The following MPC1 variants were observed in gnomAD, a reference collection of about 807,000 sequenced individuals.
MPC1 encodes the protein mitochondrial pyruvate carrier 1.
MPC1 carries 6 observed loss-of-function variants against 13.9 expected under a neutral mutation model. The ratio of observed to expected loss-of-function variants is 0.43; its 90% confidence interval spans 0.24 to 0.85. The LOEUF is 0.85. MPC1 is among the 40% of genes least tolerant of loss of function. MPC1 has a pLI of 0.24. For synonymous variants in MPC1, 47 were observed against 50.5 expected (o/e 0.93, Z 0.29); for missense variants, 115 against 143.3 (o/e 0.80, Z 1.01).
intron 1 of MPC1, 41 bp from the exon 2 acceptor site, chr6:166,370,262 A>G (rs758976193): frequency 6.8e-6 from 5 of 730,518 alleles, no homozygotes; most frequent in Non-Finnish European, 1.3e-5. Flanking sequence ...CAGGACAGAC[A>G]TGGAAAAAAA....
At chr6:166,371,210 C>A (rs1027107289) in intron 1 of MPC1, among the ~76,000 whole-genome samples, 1 of 152,148 alleles carries the variant, frequency 6.6e-6, no homozygotes, top group Non-Finnish European at 1.5e-5. Context: ...ACACATTGCA[C>A]CAGAATGTGA....
At chr6:166,376,826 C>T (rs1007405829) in intron 1 of MPC1, among the ~76,000 whole-genome samples, 2 of 152,170 alleles carry the variant, frequency 1.3e-5, no homozygotes, top group African/African-American at 2.4e-5. Context: ...TACCTATTTA[C>T]TTTTAATCTA....
At chr6:166,367,227 C>T in intron 2 of MPC1, 1 of 1,080,050 alleles carries the variant, frequency 9.3e-7, no homozygotes, top group Non-Finnish European at 1.2e-6. Context: ...TCACTTCTTA[C>T]ACAATCCATT....
Position 166,365,456 on chromosome 6 carries a change from G to A in MPC1, c.306-3C>T. ...ATGCAGATGCCGTTTTAGTCATCCT[G>A]GAAAGAAACAAAAAGAAAAATTCAA... On this transcript the variant is annotated splice_region_variant and splice_polypyrimidine_tract_variant and intron_variant, in intron 4 of 4. Transcript: ENST00000360961. The surrounding 1 kb of genome is among the most constrained non-coding windows in gnomAD (Gnocchi z 4.2). 1 of 1,574,868 alleles carries A rather than the reference G, an allele frequency of 6.3e-7. No individual in the cohort carries two copies.
At chr6:166,381,706 A>G (rs1779789915) in intron 1 of MPC1, 4 of 592,372 alleles carry the variant, frequency 6.8e-6, no homozygotes, top group Non-Finnish European at 8.5e-6. Flanking sequence ...CAGGCTTTCC[A>G]ACCGCGAATG....
intron 1 of MPC1, among the ~76,000 whole-genome samples, chr6:166,380,239 C>T (rs1292172521): frequency 2.0e-5 from 3 of 152,238 alleles, no homozygotes; most frequent in Non-Finnish European, 4.4e-5. Flanking sequence ...AGTATTTTCA[C>T]ATCCCTTATC....
intron 1 of MPC1, among the ~76,000 whole-genome samples, chr6:166,372,463 T>C (rs1240158170): frequency 6.6e-6 from 1 of 151,768 alleles, no homozygotes; most frequent in African/African-American, 2.4e-5. Flanking sequence ...ATTACACATG[T>C]ATGAGAATAA....
rs144799474 is a variant in MPC1 at position 166,375,987 on chromosome 6, A to G, written c.72-5766T>C. Among the ~76,000 whole-genome samples, 10 of 152,262 alleles carry G rather than the reference A, an allele frequency of 6.6e-5. No individual in the cohort carries two copies. In the East Asian group the frequency reaches 1.9e-3, roughly 29 times the overall value. ...TTATGATGGAGGGGTGAAATCTCCA[A>G]TTATATTAGTGGATTCATCTATTTT... On this transcript the variant is annotated intron_variant, in intron 1 of 4. Transcript: ENST00000360961.
In MPC1 at chr6:166,366,117, T is replaced by C. The variant is rs1779142985; in HGVS notation, c.173-11A>G. 1 of 1,612,590 alleles carries C rather than the reference T, an allele frequency of 6.2e-7. No individual in the cohort carries two copies. Among genetic ancestry groups the C allele is most frequent in the African/African-American group, 1.3e-5 (1 of 74,988 alleles). On this transcript the variant is annotated splice_polypyrimidine_tract_variant and intron_variant, in intron 3 of 4. Transcript: ENST00000360961. ...AATAGCAACAGAGGGCTGCCAAAAATAGCAGAGCAAAGACAATCAATAACT... is the reference window on the plus strand; with the variant it reads ...AATAGCAACAGAGGGCTGCCAAAAACAGCAGAGCAAAGACAATCAATAACT...
At chr6:166,374,440 A>G (rs1401167522) in intron 1 of MPC1, among the ~76,000 whole-genome samples, 1 of 152,180 alleles carries the variant, frequency 6.6e-6, no homozygotes, top group Non-Finnish European at 1.5e-5. Flanking sequence ...TATGAAGTCC[A>G]GCTTATCAAT....
intron 3 of MPC1, 44 bp downstream of exon 3, chr6:166,366,750 TA>T (rs775386326): frequency 5.7e-6 from 9 of 1,566,608 alleles, no homozygotes; most frequent in Non-Finnish European, 7.9e-6. Context: ...GCAGGAGCTC[TA>T]CTATGTTGAA....
intron 1 of MPC1, among the ~76,000 whole-genome samples, chr6:166,376,987 A>G (rs902742186): frequency 6.6e-6 from 1 of 151,976 alleles, no homozygotes; most frequent in African/African-American, 2.4e-5. Flanking sequence ...ACTATTTACC[A>G]TATTTGTTAC....
chr6:166,366,098 AAC>A lies in MPC1; in HGVS notation c.179_180del (p.Cys60LeufsTer28). On this transcript the variant is annotated frameshift_variant, in exon 4 of 5. Transcript: ENST00000360961. LOFTEE classifies it high-confidence loss of function. The stretch of plus-strand genomic sequence containing the variant: ...AATCTCATGAATGTCAAAGAATAGC[AAC>A]AGAGGGCTGCCAAAAATAGCAGAGC... Reference protein sequence around the residue: ...IISGRMTFALCCYSLTFMRFA... With the variant: ...IISGRMTFALXCYSLTFMRFA... 1 of 1,613,730 alleles carries A rather than the reference AAC, an allele frequency of 6.2e-7. No homozygotes were observed. The highest frequency in any genetic ancestry group is 1.1e-5 in the South Asian group (1 of 91,074).
Position 166,365,891 on chromosome 6 carries a change from C to T in MPC1, c.305+83G>A. ...CTATACACACTCCAGTCCCGCAGCA[C>T]TCCCTCAGAAAAGATTTTAGTTTCA... On this transcript the variant is annotated intron_variant, in intron 4 of 4. Coordinates refer to ENST00000360961, the MANE Select transcript of MPC1 (RefSeq NM_016098.4). The surrounding 1 kb of genome is among the most constrained non-coding windows in gnomAD (Gnocchi z 4.2). 6.4e-7 allele frequency: 1 copy of T among 1,552,482 alleles called. No individual in the cohort carries two copies. Among genetic ancestry groups the T allele is most frequent in the Non-Finnish European group, 8.7e-7 (1 of 1,143,646 alleles).
intron 2 of MPC1, chr6:166,368,861 T>G (rs1779270363): frequency 6.1e-6 from 6 of 985,510 alleles, no homozygotes; most frequent in Non-Finnish European, 7.2e-6. Context: ...CATCTCCTTT[T>G]CCGTTTACTC....
intron 2 of MPC1, chr6:166,368,763 T>TCA (rs747306330): frequency 5.3e-5 from 52 of 985,168 alleles, no homozygotes; most frequent in Non-Finnish European, 6.3e-5. Context: ...TTATTGGGTG[T>TCA]CACTTCATTT....
chr6:166,377,362 C>T lies in MPC1; in HGVS notation c.71+5444G>A, dbSNP rs191777195. Among the ~76,000 whole-genome samples, 3 of 152,212 alleles carry T rather than the reference C, an allele frequency of 2.0e-5. No individual in the cohort carries two copies. In the East Asian group the frequency reaches 5.8e-4, roughly 29 times the overall value. Reference sequence around the variant, plus strand: ...TGAACACCTTGTAGGGCTGCTGGGTCACCCTGATGGACATGGTGGAGGCAG... The same window carrying T: ...TGAACACCTTGTAGGGCTGCTGGGTTACCCTGATGGACATGGTGGAGGCAG... On this transcript the variant is annotated intron_variant, in intron 1 of 4. Transcript: ENST00000360961.
At position 166,366,909 on chromosome 6, in the gene MPC1, A is replaced by C; in HGVS notation, c.76-18T>G. Reference sequence around the variant, plus strand: ...CAGAAGTGCTACAAAAAATGAGAGGAAAAGAATGAAGAGAGGAAAAAGTTA... The same window carrying C: ...CAGAAGTGCTACAAAAAATGAGAGGCAAAGAATGAAGAGAGGAAAAAGTTA... On this transcript the variant is annotated intron_variant, in intron 2 of 4. Transcript: ENST00000360961. 1.2e-6 allele frequency: 2 copies of C among 1,613,600 alleles called. No homozygotes were observed. Among genetic ancestry groups the C allele is most frequent in the Non-Finnish European group, 1.7e-6 (2 of 1,179,566 alleles).
intron 1 of MPC1, among the ~76,000 whole-genome samples, chr6:166,382,477 T>C (rs1039326820): frequency 7.1e-6 from 1 of 141,832 alleles, no homozygotes; most frequent in Non-Finnish European, 1.5e-5. Context: ...GGACACCCAC[T>C]GTCACCCCCG....
Sources: gnomAD v4.1 joint callset for allele counts (sites outside exome capture counted in the v4.1 genomes callset) on GRCh38, gnomAD v4.1.1 for gene constraint, Gnocchi (gnomAD v3.1) non-coding constraint, MANE v1.5 for transcripts, NCBI Gene and HGNC (gene_info 2026-07-23, HGNC 2026-07-21) for gene names.